The following OGT variants were observed in gnomAD, a reference collection of about 807,000 sequenced individuals.
The protein encoded by OGT is O-linked N-acetylglucosamine (GlcNAc) transferase.
OGT carries 3 observed loss-of-function variants against 75.8 expected under a neutral mutation model. That is an observed-to-expected ratio of 0.04 (90% confidence interval 0.02 to 0.10). OGT has a LOEUF of 0.10. OGT is among the 10% of genes least tolerant of loss of function. OGT has a pLI of 1.00. For missense variants in OGT, 260 were observed against 824.4 expected, an observed-to-expected ratio of 0.32 and a Z score of 8.38; for synonymous variants, 257 against 289.7, an observed-to-expected ratio of 0.89 and a Z score of 1.15.
At chrX:71,537,059 C>T (rs1438231089) in intron 2 of OGT, 1 of 175,817 alleles carries the variant, frequency 5.7e-6, no homozygotes, top group Admixed American at 8.5e-5. Flanking sequence ...ACTCTGCCTC[C>T]TGGGTTCAAG....
rs769296221 is a variant in OGT, at chrX:71,567,978, T to C, written c.2843-15T>C. 8 of 1,200,745 alleles carry C rather than the reference T, an allele frequency of 6.7e-6. No homozygotes were observed. In the South Asian group the frequency reaches 7.3e-5, roughly 11 times the overall value. On this transcript the variant is annotated splice_polypyrimidine_tract_variant and intron_variant, in intron 20 of 21. Transcript: ENST00000373719. Reference sequence around the variant, plus strand: ...TACGTTCTCAGATGTGCAGTTGTTATCTTTTGTATTACAGGAGAGACTCTT... The same window carrying C: ...TACGTTCTCAGATGTGCAGTTGTTACCTTTTGTATTACAGGAGAGACTCTT...
intron 19 of OGT, among the ~76,000 whole-genome samples, 187 bp downstream of exon 19, chrX:71,564,940 T>C (rs1396249154): frequency 8.9e-6 from 1 of 111,961 alleles, no homozygotes; most frequent in East Asian, 2.8e-4. Context: ...GTGGATCACC[T>C]GAGGTCAGGA....
At position 71,573,506 on chromosome X, in the gene OGT, A is replaced by G. The variant is rs1210471026; in HGVS notation, c.2967-114A>G. 4 of 541,635 alleles carry G rather than the reference A, an allele frequency of 7.4e-6. No homozygotes were observed. In the African/African-American group the frequency reaches 9.4e-5, roughly 13 times the overall value. The allele number at this position is 541,635 out of a possible 1,213,427, so 44.6% of individuals were successfully genotyped here. A position where few individuals can be genotyped will look rare whatever the true frequency, so the allele number is the denominator to read the frequency against. ...CACGAAGCCAATCAAGAAATGAGAT[A>G]GCGTAGAGTTTGGTCATGCATTTTT... On this transcript the variant is annotated intron_variant, in intron 21 of 21. Coordinates refer to ENST00000373719, the MANE Select transcript of OGT (RefSeq NM_181672.3).
At chrX:71,541,112 G>A (rs2040215535) in intron 3 of OGT, among the ~76,000 whole-genome samples, 1 of 111,904 alleles carries the variant, frequency 8.9e-6, no homozygotes, top group Non-Finnish European at 1.9e-5. Flanking sequence ...TTTCTGTAAC[G>A]GCTATAACCC....
intron 5 of OGT, among the ~76,000 whole-genome samples, chrX:71,549,131 C>G (rs1397764274): frequency 9.4e-6 from 1 of 106,380 alleles, no homozygotes; most frequent in Admixed American, 1.0e-4. Context: ...ATAACGAGAC[C>G]CTGTCTCTAC....
intron 1 of OGT, among the ~76,000 whole-genome samples, chrX:71,535,523 A>G (rs1249945612): frequency 8.9e-6 from 1 of 112,117 alleles, no homozygotes; most frequent in Non-Finnish European, 1.9e-5. Flanking sequence ...CAAATGACAA[A>G]CATCTTGTTT....
intron 18 of OGT, 113 bp from the exon 19 acceptor site, chrX:71,564,488 T>C (rs2040403769): frequency 1.7e-6 from 1 of 596,678 alleles, no homozygotes; most frequent in Admixed American, 4.2e-5. Context: ...ATATCATGAA[T>C]ATTTTCTCAT....
At position 71,573,894 on chromosome X, in the gene OGT, T is replaced by C. The variant is rs2040474960; in HGVS notation, c.*100T>C. The C allele has an allele frequency of 1.7e-6, 1 of 581,372 alleles. No homozygotes were observed. The highest frequency in any genetic ancestry group is 5.2e-5 in the South Asian group (1 of 19,361). 47.9% of individuals were successfully genotyped at this position (581,372 alleles called of 1,213,427 possible). A position where few individuals can be genotyped will look rare whatever the true frequency, so the allele number is the denominator to read the frequency against. On this transcript the variant is annotated 3_prime_UTR_variant, in exon 22 of 22. Coordinates refer to ENST00000373719, the MANE Select transcript of OGT (RefSeq NM_181672.3). ...CTTCTTACTTGTCTGTACAGTACCT[T>C]GTTGCAGATGGGTGATATATAATGG... is the stretch of plus-strand genomic sequence containing the variant.
intron 5 of OGT, among the ~76,000 whole-genome samples, chrX:71,548,470 C>A (rs1407574009): frequency 9.0e-6 from 1 of 111,406 alleles, no homozygotes; most frequent in Non-Finnish European, 1.9e-5. Flanking sequence ...CATAAAGACA[C>A]ATGCATGCGT....
intron 12 of OGT, among the ~76,000 whole-genome samples, chrX:71,558,707 G>A (rs1193076094): frequency 2.7e-5 from 3 of 109,159 alleles, no homozygotes; most frequent in African/African-American, 1.0e-4. Flanking sequence ...TAAAATGCGG[G>A]AGGAAACCAT....
chrX:71,569,766 C>T (rs1244916483), intron 21 of OGT, among the ~76,000 whole-genome samples: 20 of 109,412 alleles, frequency 1.8e-4, no homozygotes, highest in South Asian at 4.0e-4. Context: ...GACGGAGTCT[C>T]GCTCTGTCGC....
rs2040425565 is a variant in OGT at position 71,567,731 on chromosome X, A to G, written c.2821A>G (p.Thr941Ala). 5 of 1,194,218 alleles carry G rather than the reference A, an allele frequency of 4.2e-6. No individual in the cohort carries two copies. Among genetic ancestry groups the G allele is most frequent in the Non-Finnish European group, 5.7e-6 (5 of 884,055 alleles). Residue 941 changes from threonine to alanine, a missense_variant, in exon 20 of 22, where the codon ACC (threonine) becomes GCC (alanine). Around this residue, in one of 6 missense-constraint regions of OGT, gnomAD observed 9 missense variants for 52.2 expected, o/e 0.17. Transcript: ENST00000373719. ...TTGMDVLWAG[T>A]PMVTMPGETL... ...AGGGATGGATGTCCTCTGGGCAGGGACCCCCATGGTGACTATGCCAGGTAA... is the reference window on the plus strand; with the variant it reads ...AGGGATGGATGTCCTCTGGGCAGGGGCCCCCATGGTGACTATGCCAGGTAA...
intron 3 of OGT, among the ~76,000 whole-genome samples, chrX:71,539,602 T>C (rs2040203499): frequency 8.9e-6 from 1 of 112,209 alleles, no homozygotes; most frequent in South Asian, 3.7e-4. Context: ...TCAGTGTATA[T>C]ATATGTACAT....
At position 71,562,824 on chromosome X, in the gene OGT, G is replaced by T. The variant is rs748391936; in HGVS notation, c.1978-23G>T. On this transcript the variant is annotated intron_variant, in intron 15 of 21. Coordinates refer to ENST00000373719, the MANE Select transcript of OGT (RefSeq NM_181672.3). ...GTGTACTGATAAAAGTTCTTAATCAGTTTTTGATCTGATTTTTTTAAGGCA... is the reference window on the plus strand; with the variant it reads ...GTGTACTGATAAAAGTTCTTAATCATTTTTTGATCTGATTTTTTTAAGGCA... 3 of 1,171,572 alleles carry T rather than the reference G, an allele frequency of 2.6e-6. No homozygotes were observed. The Admixed American group carries it at 7.0e-5, about 27-fold the overall frequency.
chrX:71,556,167 C>A, intron 8 of OGT, 73 bp downstream of exon 8: 1 of 1,065,606 alleles, frequency 9.4e-7, no homozygotes, highest in African/African-American at 1.8e-5. Context: ...CCATCATCCA[C>A]CTCTTTTGTA....
At position 71,544,614 on chromosome X, in the gene OGT, G is replaced by C; in HGVS notation, c.510G>C (p.Leu170=). 1 of 1,209,307 alleles carries C rather than the reference G, an allele frequency of 8.3e-7. No individual in the cohort carries two copies. The highest frequency in any genetic ancestry group is 1.1e-6 in the Non-Finnish European group (1 of 893,735). The part of the protein sequence containing the change: ...RSDLGNLLKA[L]GRLEEAKACY... ...ACCTGGGGAACCTGCTCAAAGCCCT[G>C]GGTCGCTTGGAAGAAGCCAAGGTAG... Residue 170 remains leucine (L), a synonymous_variant, in exon 4 of 22, where the codon CTG becomes CTC. Transcript: ENST00000373719.
chrX:71,541,704 T>C (rs1264708291), intron 3 of OGT, among the ~76,000 whole-genome samples: 1 of 110,454 alleles, frequency 9.1e-6, no homozygotes, highest in Admixed American at 9.7e-5. Context: ...TTATAAAGAA[T>C]AGAGAGGCTG....
In OGT at chrX:71,547,915, T is replaced by C. The variant is rs765509822; in HGVS notation, c.540T>C (p.Tyr180=). The part of the protein sequence containing the change: ...LGRLEEAKAC[Y]LKAIETQPNF... ...CATTAACCCCTCCTAAGGCATGTTATTTGAAAGCAATTGAGACGCAACCGA... is the reference window on the plus strand; with the variant it reads ...CATTAACCCCTCCTAAGGCATGTTACTTGAAAGCAATTGAGACGCAACCGA... Residue 180 remains tyrosine (Y), a synonymous_variant, in exon 5 of 22, where the codon TAT becomes TAC. Coordinates refer to ENST00000373719, the MANE Select transcript of OGT (RefSeq NM_181672.3). 6 of 1,208,386 alleles carry C rather than the reference T, an allele frequency of 5.0e-6. No homozygotes were observed. Among genetic ancestry groups the C allele is most frequent in the Admixed American group, 4.4e-5 (2 of 45,769 alleles).
intron 5 of OGT, among the ~76,000 whole-genome samples, chrX:71,548,402 A>G (rs1408253670): frequency 9.0e-6 from 1 of 111,357 alleles, no homozygotes; most frequent in Non-Finnish European, 1.9e-5. Context: ...ATGCCACTGT[A>G]CTTAGCCTGA....
Sources: allele counts gnomAD v4.1 joint callset (sites outside exome capture counted in the v4.1 genomes callset), GRCh38; gene constraint gnomAD v4.1.1; regional missense constraint gnomAD v4.1.1; transcripts MANE v1.5; gene names NCBI Gene and HGNC (gene_info 2026-07-23, HGNC 2026-07-21).